Variants in PRRC1 observed in about 807,000 individuals in gnomAD.
The protein encoded by PRRC1 is proline rich coiled-coil 1.
A neutral mutation model predicts 40.7 loss-of-function variants in PRRC1; 39 were observed. The observed-to-expected ratio is 0.96, with a 90% CI of 0.74 to 1.25. PRRC1 has a LOEUF of 1.25. Among genes scored for constraint, PRRC1 ranks in the 50% most tolerant of loss-of-function variants. The pLI, the probability that PRRC1 is intolerant of heterozygous loss-of-function variation, is 0.00. For missense variants in PRRC1, 573 were observed against 548.3 expected (o/e 1.05, Z -0.45); for synonymous variants, 175 against 193.3 (o/e 0.91, Z 0.79).
chr5:127,546,181 G>C (rs894609397), intron 7 of PRRC1, among the ~76,000 whole-genome samples: 2 of 152,004 alleles, frequency 1.3e-5, no homozygotes, highest in South Asian at 2.1e-4. Flanking sequence ...CCTGTCTTCA[G>C]GTTCACTAAT....
Position 127,530,299 on chromosome 5 carries a change from G to A in PRRC1, c.660G>A (p.Val220=), listed in dbSNP as rs368253188. ...AGGIWGFIKG[V]AGNPMVKSVL... ...TATTGATTTGTTTTATGCAGGGTGT[G>A]GCTGGGAATCCTATGGTGAAGTCTG... The change falls in exon 5 of 9, where the codon GTG becomes GTA. Residue 220 remains valine, a synonymous_variant. Coordinates refer to ENST00000296666, the MANE Select transcript of PRRC1 (RefSeq NM_130809.5). The A allele has an allele frequency of 6.2e-7, 1 of 1,613,506 alleles. No individual in the cohort carries two copies. The highest frequency in any genetic ancestry group is 2.2e-5 in the East Asian group (1 of 44,872).
At chr5:127,539,439 A>T (rs906429185) in intron 7 of PRRC1, among the ~76,000 whole-genome samples, 2 of 152,202 alleles carry the variant, frequency 1.3e-5, no homozygotes, top group African/African-American at 2.4e-5. Context: ...ATAATTGACC[A>T]TGAGTAGCAA....
chr5:127,552,966 T>G lies in PRRC1; in HGVS notation c.*1050T>G. On this transcript the variant is annotated 3_prime_UTR_variant, in exon 9 of 9. Transcript: ENST00000296666. The stretch of plus-strand genomic sequence containing the variant: ...GTTTATTTAGTCTACTGTATTTCTA[T>G]TTCGTGGAAGCCTTTTCCCCTCAAA... 1 of 850,594 alleles carries G rather than the reference T, an allele frequency of 1.2e-6. No individual in the cohort carries two copies. The highest frequency in any genetic ancestry group is 1.4e-6 in the Non-Finnish European group (1 of 708,020). 52.7% of individuals were successfully genotyped at this position (850,594 alleles called of 1,614,324 possible).
In PRRC1 at chr5:127,542,072, T is replaced by G. The variant is rs539240158; in HGVS notation, c.1025+2929T>G. Among the ~76,000 whole-genome samples, 88 of 152,364 alleles carry G rather than the reference T, an allele frequency of 5.8e-4. No homozygotes were observed. In the East Asian group the frequency reaches 0.011, roughly 18 times the overall value. ...ATGTGTCTGAGATTCTGGTATGTTG[T>G]GTCTTTGTTCTCGTTGGTTTCAAAG... On this transcript the variant is annotated intron_variant, in intron 7 of 8. Transcript: ENST00000296666.
At chr5:127,520,656 G>A (rs373710916) in intron 1 of PRRC1, among the ~76,000 whole-genome samples, 3 of 152,134 alleles carry the variant, frequency 2.0e-5, no homozygotes, top group African/African-American at 4.8e-5. Context: ...TATGGTTGAC[G>A]GGAAGGTAGA....
chr5:127,524,620 C>G lies in PRRC1; in HGVS notation c.193C>G (p.Pro65Ala), dbSNP rs1384832973. Residue 65 changes from proline to alanine, a missense_variant, in exon 3 of 9, where the codon CCT becomes GCT. By Grantham distance (27) the Pro-to-Ala change is conservative (BLOSUM62 -1). Transcript: ENST00000296666. ...CTCTACTCCTCAGCCGCCCCTTCCTCCTGTGAGGCCTTCAGCACCATTACC... is the reference window on the plus strand; with the variant it reads ...CTCTACTCCTCAGCCGCCCCTTCCTGCTGTGAGGCCTTCAGCACCATTACC... ...AYSTPQPPLP[P>A]VRPSAPLPFV... The G allele has an allele frequency of 6.2e-7, 1 of 1,614,200 alleles. No individual in the cohort carries two copies. Among genetic ancestry groups the G allele is most frequent in the South Asian group, 1.1e-5 (1 of 91,074 alleles).
At chr5:127,534,519 G>T (rs764879384) in intron 6 of PRRC1, among the ~76,000 whole-genome samples, 1 of 152,180 alleles carries the variant, frequency 6.6e-6, no homozygotes, top group African/African-American at 2.4e-5. Flanking sequence ...AGAGGCTTTT[G>T]AGACAGTTGA....
At position 127,542,417 on chromosome 5, in the gene PRRC1, T is replaced by C. The variant is rs565924450; in HGVS notation, c.1025+3274T>C. Among the ~76,000 whole-genome samples the C allele has an allele frequency of 6.6e-3, 993 of 151,146 alleles. 12 individuals are homozygous for C. Among genetic ancestry groups the C allele is most frequent in the African/African-American group, 0.02 (816 of 40,954 alleles). ...GCTTGGTGCAGAGCTGAGTTCAATT[T>C]CTGGGTATCCTTGTTAACTTTCTGT... is the stretch of plus-strand genomic sequence containing the variant. On this transcript the variant is annotated intron_variant, in intron 7 of 8. Coordinates refer to ENST00000296666, the MANE Select transcript of PRRC1 (RefSeq NM_130809.5).
At position 127,551,488 on chromosome 5, in the gene PRRC1, G is replaced by A. The variant is rs139273081; in HGVS notation, c.1129-219G>A. ...CTCAAACCTTCCGACTGTTAGCCTC[G>A]TTAATGGGGATATTTTTTAAAAAAT... On this transcript the variant is annotated intron_variant, in intron 8 of 8. Transcript: ENST00000296666. The A allele has an allele frequency of 4.3e-5, 22 of 517,390 alleles. 1 individual carries two copies. Among genetic ancestry groups the A allele is most frequent in the East Asian group, 3.0e-4 (9 of 29,832 alleles). 32.0% of individuals were successfully genotyped at this position (517,390 alleles called of 1,614,324 possible).
intron 6 of PRRC1, among the ~76,000 whole-genome samples, chr5:127,537,521 T>G (rs1489194730): frequency 6.6e-6 from 1 of 151,962 alleles, no homozygotes; most frequent in Non-Finnish European, 1.5e-5. Context: ...ATTATCCTGT[T>G]TCTTGCAGGA....
intron 4 of PRRC1, among the ~76,000 whole-genome samples, chr5:127,529,062 A>G (rs1454629020): frequency 6.6e-6 from 1 of 152,180 alleles, no homozygotes; most frequent in African/African-American, 2.4e-5. Flanking sequence ...TTATAAATGT[A>G]TATCAGTATT....
chr5:127,548,130 G>A, intron 8 of PRRC1: 1 of 621,442 alleles, frequency 1.6e-6, no homozygotes, highest in Non-Finnish European at 2.8e-6. Context: ...AGGTGTCTTT[G>A]AAAGGTAATA....
intron 7 of PRRC1, among the ~76,000 whole-genome samples, chr5:127,542,979 T>C (rs1299767934): frequency 6.6e-6 from 1 of 151,720 alleles, no homozygotes; most frequent in Admixed American, 6.6e-5. Flanking sequence ...TTGATGGTCT[T>C]TACATTTTGG....
intron 7 of PRRC1, among the ~76,000 whole-genome samples, chr5:127,545,281 T>G (rs1453880462): frequency 6.6e-6 from 1 of 151,900 alleles, no homozygotes; most frequent in Non-Finnish European, 1.5e-5. Context: ...GCCATCCCAT[T>G]ACTGGGTATA....
chr5:127,547,781 G>T, intron 7 of PRRC1, 38 bp from the exon 8 acceptor site: 1 of 1,348,574 alleles, frequency 7.4e-7, no homozygotes, highest in African/African-American at 1.4e-5. Flanking sequence ...AGTTTTATTT[G>T]GCATATAAAC....
intron 7 of PRRC1, among the ~76,000 whole-genome samples, chr5:127,542,982 C>T (rs928744425): frequency 4.0e-5 from 6 of 151,452 alleles, no homozygotes; most frequent in Admixed American, 4.0e-4. Context: ...ATGGTCTTTA[C>T]ATTTTGGCAT....
At chr5:127,531,780 G>T (rs554240840) in intron 5 of PRRC1, among the ~76,000 whole-genome samples, 7 of 151,504 alleles carry the variant, frequency 4.6e-5, no homozygotes, top group Admixed American at 3.3e-4. Context: ...GTGCCACCAC[G>T]CCCAGCTAAT....
At chr5:127,519,055 T>G (rs991300653) in intron 1 of PRRC1, among the ~76,000 whole-genome samples, 1 of 152,236 alleles carries the variant, frequency 6.6e-6, no homozygotes, top group African/African-American at 2.4e-5. Flanking sequence ...TTCCACTTAA[T>G]GACTTTGTAT....
rs931751790 is a variant in PRRC1 at position 127,532,199 on chromosome 5, C to T, written c.758-1424C>T. On this transcript the variant is annotated intron_variant, in intron 5 of 8. Transcript: ENST00000296666. ...TCTCAGCTCACTGCAACCTCTGCCTCCTGAGTTCAAGCGATTCTCCTACCT... is the reference window on the plus strand; with the variant it reads ...TCTCAGCTCACTGCAACCTCTGCCTTCTGAGTTCAAGCGATTCTCCTACCT... 2.6e-4 allele frequency among the ~76,000 whole-genome samples: 39 copies of T among 151,656 alleles called. 1 individual carries two copies. Among genetic ancestry groups the T allele is most frequent in the Admixed American group, 6.6e-5 (1 of 15,232 alleles).
Sources: gnomAD v4.1 joint callset for allele counts (sites outside exome capture counted in the v4.1 genomes callset) on GRCh38, gnomAD v4.1.1 for gene constraint, MANE v1.5 for transcripts, NCBI Gene and HGNC (gene_info 2026-07-23, HGNC 2026-07-21) for gene names.